The following DNAH11 variants were observed in gnomAD, a reference collection of about 807,000 sequenced individuals.
DNAH11 encodes the protein dynein axonemal heavy chain 11.
Under a neutral mutation model 526.0 loss-of-function variants are expected in DNAH11, and 442 were observed. The ratio of observed to expected loss-of-function variants is 0.84; its 90% confidence interval spans 0.78 to 0.91. The LOEUF (loss-of-function observed/expected upper bound fraction) is 0.91, where lower values mean the gene tolerates loss of function less well. Ranked by LOEUF, DNAH11 falls within the 40% of genes least tolerant of loss-of-function variation. The pLI, the probability that DNAH11 is intolerant of heterozygous loss-of-function variation, is 0.00. For synonymous variants in DNAH11, 2,461 were observed against 1,935.9 expected (o/e 1.27, Z -7.12); for missense variants, 6,989 against 5,448.7 (o/e 1.28, Z -8.90).
chr7:21,880,911 A>C lies in DNAH11; in HGVS notation c.12387+18A>C, dbSNP rs774153301. On this transcript the variant is annotated intron_variant, in intron 75 of 81. Coordinates refer to ENST00000409508, the MANE Select transcript of DNAH11 (RefSeq NM_001277115.2). ...ACTCTAAAGTAAGTGCTAGTGGTCA[A>C]ATAACCTCTTCCAAGGAGTTTACAA... 19 of 1,579,768 alleles carry C rather than the reference A, an allele frequency of 1.2e-5. No individual in the cohort carries two copies. The African/African-American group carries it at 2.1e-4, about 17-fold the overall frequency.
At chr7:21,730,284 T>A (rs749186379) in intron 45 of DNAH11, among the ~76,000 whole-genome samples, 9 of 152,220 alleles carry the variant, frequency 5.9e-5, no homozygotes, top group Non-Finnish European at 1.2e-4. Context: ...CACAATGGCA[T>A]ACAGGTTGAG....
At chr7:21,810,954 G>C (rs1025731111) in intron 63 of DNAH11, among the ~76,000 whole-genome samples, 1 of 152,198 alleles carries the variant, frequency 6.6e-6, no homozygotes, top group African/African-American at 2.4e-5. Flanking sequence ...AGAAGTAAAA[G>C]TAGGAATTCA....
chr7:21,815,897 C>T (rs753871398), intron 63 of DNAH11, among the ~76,000 whole-genome samples: 11 of 152,160 alleles, frequency 7.2e-5, no homozygotes, highest in South Asian at 2.1e-4. Context: ...TACTTTGCAA[C>T]GCAATCAAGG....
At chr7:21,612,788 C>T (rs772399299) in intron 20 of DNAH11, among the ~76,000 whole-genome samples, 1 of 151,984 alleles carries the variant, frequency 6.6e-6, no homozygotes, top group Non-Finnish European at 1.5e-5. Context: ...ACATACTAAA[C>T]AAAACAATCA....
intron 28 of DNAH11, among the ~76,000 whole-genome samples, chr7:21,645,040 A>T (rs770348920): frequency 1.3e-5 from 2 of 152,240 alleles, no homozygotes; most frequent in Non-Finnish European, 2.9e-5. Context: ...CCCCTTTGGA[A>T]TTCTCTCCAT....
At chr7:21,832,648 T>C (rs1454460140) in intron 65 of DNAH11, among the ~76,000 whole-genome samples, 1 of 152,188 alleles carries the variant, frequency 6.6e-6, no homozygotes, top group African/African-American at 2.4e-5. Context: ...AGCATCGTTA[T>C]ATATAGTGGC....
chr7:21,731,270 A>G (rs1785372396), intron 45 of DNAH11, among the ~76,000 whole-genome samples: 1 of 152,222 alleles, frequency 6.6e-6, no homozygotes, highest in African/African-American at 2.4e-5. Context: ...TCAGTTAAAA[A>G]TTAACTTTTT....
At chr7:21,591,103 T>A (rs1784659760) in intron 13 of DNAH11, 81 bp downstream of exon 13, 2 of 1,431,666 alleles carry the variant, frequency 1.4e-6, no homozygotes, top group East Asian at 2.6e-5. Context: ...TATATAGATC[T>A]ATATGATATT....
At chr7:21,814,384 C>CTT (rs1336714877) in intron 63 of DNAH11, among the ~76,000 whole-genome samples, 9 of 146,972 alleles carry the variant, frequency 6.1e-5, no homozygotes, top group Non-Finnish European at 1.2e-4. Context: ...ATTTTTTATA[C>CTT]TTTAAGTTTT....
chr7:21,800,397 C>T (rs1788925541), intron 61 of DNAH11, among the ~76,000 whole-genome samples: 1 of 152,076 alleles, frequency 6.6e-6, no homozygotes, highest in African/African-American at 2.4e-5. Context: ...TTGGGGAGGC[C>T]AAGGTGGGTG....
intron 28 of DNAH11, among the ~76,000 whole-genome samples, chr7:21,649,899 C>T (rs1270018871): frequency 6.6e-6 from 1 of 152,106 alleles, no homozygotes; most frequent in Non-Finnish European, 1.5e-5. Flanking sequence ...CTTCTGGCCT[C>T]AGGTGATCTG....
chr7:21,726,808 C>T (rs1239992375), intron 45 of DNAH11, among the ~76,000 whole-genome samples: 3 of 101,818 alleles, frequency 2.9e-5, no homozygotes, highest in African/African-American at 1.2e-4. Context: ...TCGCGGTGAG[C>T]CGAGATCGCG....
At position 21,681,539 on chromosome 7, in the gene DNAH11, C is replaced by G. The variant is rs1211483014; in HGVS notation, c.5329-7C>G. 4 of 1,612,728 alleles carry G rather than the reference C, an allele frequency of 2.5e-6. No individual in the cohort carries two copies. The highest frequency in any genetic ancestry group is 1.1e-5 in the South Asian group (1 of 90,910). On this transcript the variant is annotated splice_polypyrimidine_tract_variant and splice_region_variant and intron_variant, in intron 30 of 81. Coordinates refer to ENST00000409508, the MANE Select transcript of DNAH11 (RefSeq NM_001277115.2). ...TTCTCTCCTTTTTAAAAAATGATTC[C>G]TTCTAGATTTCTCAGCTGAATACAC...
intron 6 of DNAH11, among the ~76,000 whole-genome samples, chr7:21,564,730 A>G (rs1783592761): frequency 6.6e-6 from 1 of 152,220 alleles, no homozygotes; most frequent in Non-Finnish European, 1.5e-5. Context: ...TCACAGAAAC[A>G]CTGGCTGATA....
Position 21,591,339 on chromosome 7 carries a change from G to C in DNAH11, c.2429G>C (p.Trp810Ser). The C allele has an allele frequency of 6.2e-7, 1 of 1,613,768 alleles. No homozygotes were observed. The highest frequency in any genetic ancestry group is 1.1e-5 in the South Asian group (1 of 91,074). Residue 810 changes from tryptophan to serine, a missense_variant, in exon 14 of 82, where the codon TGG becomes TCG. By Grantham distance (177) the Trp-to-Ser change is radical (BLOSUM62 -3). Coordinates refer to ENST00000409508, the MANE Select transcript of DNAH11 (RefSeq NM_001277115.2). ...TTWLTWQDDC[W>S]GYIERVRAAT... is the part of the protein sequence containing the mutation. Reference sequence around the variant, plus strand: ...TGGCTGACATGGCAGGATGACTGCTGGGGCTACATCGAGAGGGTGAGGGCA... The same window carrying C: ...TGGCTGACATGGCAGGATGACTGCTCGGGCTACATCGAGAGGGTGAGGGCA...
intron 28 of DNAH11, among the ~76,000 whole-genome samples, chr7:21,654,406 A>T (rs996324532): frequency 1.3e-5 from 2 of 152,212 alleles, no homozygotes; most frequent in East Asian, 3.9e-4. Context: ...AAGTTGTAGC[A>T]TGTATCAGTA....
chr7:21,659,015 A>G lies in DNAH11; in HGVS notation c.5312A>G (p.Asp1771Gly). 6.3e-7 allele frequency: 1 copy of G among 1,595,504 alleles called. No homozygotes were observed. The highest frequency in any genetic ancestry group is 8.5e-7 in the Non-Finnish European group (1 of 1,171,810). Residue 1771 changes from aspartate (D) to glycine (G), a missense_variant, in exon 30 of 82, where the codon GAT becomes GGT. By Grantham distance (94) the Asp-to-Gly change is moderately conservative. Coordinates refer to ENST00000409508, the MANE Select transcript of DNAH11 (RefSeq NM_001277115.2). Reference protein sequence around the residue: ...LEEGYETALKDFHKKQISQLN... With the variant: ...LEEGYETALKGFHKKQISQLN... ...GAAGGCTACGAAACAGCCCTGAAGG[A>G]TTTCCATAAAAAACAGGTATTACAT...
At chr7:21,854,864 G>A (rs1001507258) in intron 68 of DNAH11, among the ~76,000 whole-genome samples, 2 of 151,964 alleles carry the variant, frequency 1.3e-5, no homozygotes, top group Non-Finnish European at 2.9e-5. Flanking sequence ...TTAAGCCATC[G>A]GTGTACCCAG....
At chr7:21,811,595 T>C (rs10950877) in intron 63 of DNAH11, among the ~76,000 whole-genome samples, 59,896 of 151,918 alleles carry the variant, frequency 0.39, 12,599 homozygotes, top group East Asian at 0.82. Context: ...TATTGTTTAA[T>C]AGGTATGTTT....
Sources: gnomAD v4.1 joint callset for allele counts (sites outside exome capture counted in the v4.1 genomes callset) on GRCh38, gnomAD v4.1.1 for gene constraint, MANE v1.5 for transcripts, NCBI Gene and HGNC (gene_info 2026-07-23, HGNC 2026-07-21) for gene names.